Variants in KIF16B observed in about 807,000 individuals in gnomAD.
KIF16B encodes the protein kinesin family member 16B.
In KIF16B, 98 loss-of-function variants were observed where a neutral mutation model predicts 156.3. That is an observed-to-expected ratio of 0.63 (90% CI 0.53 to 0.74). The LOEUF is 0.74. KIF16B is among the 30% of genes least tolerant of loss of function. The pLI is 0.00. For synonymous variants in KIF16B, 564 were observed against 583.7 expected, an observed-to-expected ratio of 0.97 and a Z score of 0.49; for missense variants, 1,421 against 1,606.5, an observed-to-expected ratio of 0.88 and a Z score of 1.97.
At chr20:16,518,082 T>A (rs1198707952) in intron 3 of KIF16B, among the ~76,000 whole-genome samples, 1 of 152,064 alleles carries the variant, frequency 6.6e-6, no homozygotes, top group Non-Finnish European at 1.5e-5. Context: ...GAGACATGAC[T>A]GCAAACGGGT....
At chr20:16,445,842 T>C (rs8117188) in intron 12 of KIF16B, among the ~76,000 whole-genome samples, 10,322 of 152,306 alleles carry the variant, frequency 0.068, 564 homozygotes, top group East Asian at 0.28. Flanking sequence ...TTTATAAACA[T>C]TGCATCTAAT....
Position 16,504,384 on chromosome 20 carries a change from A to G in KIF16B, c.1164T>C (p.Ala388=). ...AEIARLKTLL[A]QGNQIALLDS... is the part of the protein sequence containing the mutation. ...AGAAAAACCCAACCTGATTCCCTTGAGCAAGCAGCGTTTTCAGTCTGGCTA... is the reference window on the plus strand; with the variant it reads ...AGAAAAACCCAACCTGATTCCCTTGGGCAAGCAGCGTTTTCAGTCTGGCTA... The change falls in exon 10 of 26, where the codon GCT becomes GCC. Residue 388 remains alanine, a synonymous_variant. Coordinates refer to ENST00000354981, the MANE Select transcript of KIF16B (RefSeq NM_024704.5). The G allele has an allele frequency of 1.9e-6, 3 of 1,614,046 alleles. No individual in the cohort carries two copies. Among genetic ancestry groups the G allele is most frequent in the Non-Finnish European group, 2.5e-6 (3 of 1,179,948 alleles).
At chr20:16,304,084 TAAG>T (rs1427636495) in intron 25 of KIF16B, among the ~76,000 whole-genome samples, 1 of 152,194 alleles carries the variant, frequency 6.6e-6, no homozygotes. Flanking sequence ...ATTTGGGGAA[TAAG>T]AAGGAGAAAA....
intron 17 of KIF16B, among the ~76,000 whole-genome samples, chr20:16,399,637 C>T (rs1299810009): frequency 6.6e-6 from 1 of 152,154 alleles, no homozygotes; most frequent in Non-Finnish European, 1.5e-5. Flanking sequence ...GGTGTCTGAT[C>T]GTTGACGGAG....
chr20:16,404,996 G>A lies in KIF16B; in HGVS notation c.1696-95C>T, dbSNP rs1312938119. The stretch of plus-strand genomic sequence containing the variant: ...CTTCCAACATGTGAGAGACAATGAG[G>A]TGCACATGCTCCTAATTAACACGCA... On this transcript the variant is annotated intron_variant, in intron 16 of 25. Transcript: ENST00000354981. 3.7e-6 allele frequency: 3 copies of A among 811,202 alleles called. No homozygotes were observed. In the Middle Eastern group the frequency reaches 7.8e-4, roughly 210 times the overall value. The allele number at this position is 811,202 out of a possible 1,614,324, so 50.3% of individuals were successfully genotyped here.
intron 11 of KIF16B, 30 bp downstream of exon 11, chr20:16,497,583 T>C (rs1453295186): frequency 2.6e-6 from 4 of 1,538,390 alleles, no homozygotes; most frequent in Non-Finnish European, 3.6e-6. Context: ...AAAGTTATGA[T>C]TTAAAAATAT....
chr20:16,294,438 C>A (rs956563603), intron 25 of KIF16B, among the ~76,000 whole-genome samples: 11 of 152,186 alleles, frequency 7.2e-5, no homozygotes, highest in African/African-American at 2.7e-4. Context: ...TGTTGCTGAG[C>A]AGGTCCCCAC....
intron 1 of KIF16B, among the ~76,000 whole-genome samples, chr20:16,540,636 T>C (rs1221682394): frequency 4.6e-5 from 7 of 152,156 alleles, no homozygotes; most frequent in African/African-American, 9.7e-5. Context: ...GCCATCCCTC[T>C]GCATTTCCAC....
At chr20:16,318,570 A>G (rs2063731126) in intron 24 of KIF16B, among the ~76,000 whole-genome samples, 1 of 152,192 alleles carries the variant, frequency 6.6e-6, no homozygotes, top group Non-Finnish European at 1.5e-5. Context: ...AGGAACACAG[A>G]CATCAAGTGA....
rs573970991 is a variant in KIF16B, at chr20:16,322,843, T to C, written c.3712-10425A>G. Among the ~76,000 whole-genome samples the C allele has an allele frequency of 9.7e-4, 147 of 152,166 alleles. 1 individual carries two copies. Among genetic ancestry groups the C allele is most frequent in the Admixed American group, 2.2e-3 (33 of 15,262 alleles). On this transcript the variant is annotated intron_variant, in intron 24 of 25. Coordinates refer to ENST00000354981, the MANE Select transcript of KIF16B (RefSeq NM_024704.5). ...TTTTCTCTTGGCAAAGTTCACATTT[T>C]AGTTGAGCCAGACCCTGTATTAAGT...
intron 15 of KIF16B, among the ~76,000 whole-genome samples, chr20:16,418,094 G>A (rs528993524): frequency 6.6e-6 from 1 of 151,884 alleles, no homozygotes; most frequent in South Asian, 2.1e-4. Context: ...ATATTGTAAA[G>A]CCAATGTACT....
chr20:16,300,785 T>C (rs185943743), intron 25 of KIF16B, among the ~76,000 whole-genome samples: 117 of 152,258 alleles, frequency 7.7e-4, no homozygotes, highest in African/African-American at 2.7e-3. Flanking sequence ...GCTATCAAAA[T>C]CCCACACCAG....
chr20:16,394,304 C>T (rs534244772), intron 17 of KIF16B, among the ~76,000 whole-genome samples: 3 of 152,294 alleles, frequency 2.0e-5, no homozygotes, highest in Admixed American at 6.5e-5. Context: ...ACAGAAAACA[C>T]CCGAAGCTCA....
At chr20:16,397,535 TA>T (rs1275829062) in intron 17 of KIF16B, among the ~76,000 whole-genome samples, 4 of 152,174 alleles carry the variant, frequency 2.6e-5, no homozygotes, top group African/African-American at 9.7e-5. Context: ...TTTAGAAAAT[TA>T]GTAGATGGCC....
chr20:16,427,189 C>T lies in KIF16B; in HGVS notation c.1527G>A (p.Gly509=), dbSNP rs1202053468. The change falls in exon 15 of 26, where the codon GGG becomes GGA. Residue 509 remains glycine, a synonymous_variant. Transcript: ENST00000354981. ...ESEHCIFENI[G]GTVTLIPLSG... ...TCAGGGGTATCAGAGTCACTGTCCCCCCGATATTTTCAAAGATGCAATGCT... is the reference window on the plus strand; with the variant it reads ...TCAGGGGTATCAGAGTCACTGTCCCTCCGATATTTTCAAAGATGCAATGCT... 6.2e-7 allele frequency: 1 copy of T among 1,612,872 alleles called. No homozygotes were observed. The highest frequency in any genetic ancestry group is 8.5e-7 in the Non-Finnish European group (1 of 1,179,252).
At chr20:16,284,930 C>T (rs1203239535) in intron 25 of KIF16B, among the ~76,000 whole-genome samples, 1 of 152,202 alleles carries the variant, frequency 6.6e-6, no homozygotes, top group Admixed American at 6.5e-5. Flanking sequence ...ACCTCCCGCA[C>T]TCACACCCAC....
At position 16,437,453 on chromosome 20, in the gene KIF16B, G is replaced by A. The variant is rs553535168; in HGVS notation, c.1303-7471C>T. Among the ~76,000 whole-genome samples the A allele has an allele frequency of 3.3e-5, 5 of 152,326 alleles. No individual in the cohort carries two copies. In the South Asian group the frequency reaches 1.0e-3, roughly 32 times the overall value. ...GAAATTGGTTGCTACTTCATCAGATGAATCTGGCAGGATGTATAGGGTGAA... is the reference window on the plus strand; with the variant it reads ...GAAATTGGTTGCTACTTCATCAGATAAATCTGGCAGGATGTATAGGGTGAA... On this transcript the variant is annotated intron_variant, in intron 12 of 25. Coordinates refer to ENST00000354981, the MANE Select transcript of KIF16B (RefSeq NM_024704.5).
At chr20:16,335,304 T>C (rs1288296108) in intron 24 of KIF16B, among the ~76,000 whole-genome samples, 1 of 152,218 alleles carries the variant, frequency 6.6e-6, no homozygotes, top group Non-Finnish European at 1.5e-5. Flanking sequence ...ACATTCCTTC[T>C]AGGAATACTT....
At chr20:16,452,892 G>A (rs1037013646) in intron 12 of KIF16B, among the ~76,000 whole-genome samples, 29 of 150,408 alleles carry the variant, frequency 1.9e-4, no homozygotes, top group Middle Eastern at 3.5e-3. Context: ...GATGAAAAAC[G>A]AAGAAAAAAA....
Sources: allele counts gnomAD v4.1 joint callset (sites outside exome capture counted in the v4.1 genomes callset), GRCh38; gene constraint gnomAD v4.1.1; transcripts MANE v1.5; gene names NCBI Gene and HGNC (gene_info 2026-07-23, HGNC 2026-07-21).